FHIT: variants seen among roughly 807,000 people sequenced by gnomAD.
FHIT encodes bis(5'-adenosyl)-triphosphatase.
Under a neutral mutation model 17.9 loss-of-function variants are expected in FHIT, and 19 were observed. The observed-to-expected ratio is 1.06, with a 90% CI of 0.74 to 1.56. FHIT has a LOEUF of 1.56. Among genes scored for constraint, FHIT ranks in the 40% most tolerant of loss-of-function variants. The probability of loss-of-function intolerance (pLI) is 0.00; values close to 1 mark genes in which losing one functional copy is unlikely to be tolerated. For missense variants in FHIT, 248 were observed against 189.2 expected (o/e 1.31, Z -1.82); for synonymous variants, 81 against 69.7 (o/e 1.16, Z -0.81).
intron 4 of FHIT, among the ~76,000 whole-genome samples, chr3:60,546,792 A>G (rs1278003777): frequency 1.3e-5 from 2 of 152,168 alleles, no homozygotes; most frequent in Admixed American, 1.3e-4. Context: ...ATCTCATTTG[A>G]AAATAGTAGA....
intron 3 of FHIT, among the ~76,000 whole-genome samples, chr3:61,040,488 A>T (rs2033455137): frequency 6.6e-6 from 1 of 152,220 alleles, no homozygotes; most frequent in South Asian, 2.1e-4. Flanking sequence ...TATAAGCTAG[A>T]CTATCTAATT....
intron 5 of FHIT, among the ~76,000 whole-genome samples, chr3:60,204,453 T>TTG (rs1553711705): frequency 6.4e-4 from 90 of 141,226 alleles, no homozygotes; most frequent in East Asian, 3.5e-3. Context: ...GGTTTTTTTT[T>TTG]TTTTGTTTTG....
At chr3:60,477,498 G>C (rs1021855939) in intron 5 of FHIT, among the ~76,000 whole-genome samples, 18 of 152,160 alleles carry the variant, frequency 1.2e-4, no homozygotes, top group African/African-American at 4.3e-4. Flanking sequence ...TCTCTTGCCA[G>C]GCATCACACT....
intron 4 of FHIT, among the ~76,000 whole-genome samples, chr3:60,594,951 T>A (rs1312521034): frequency 3.3e-5 from 5 of 152,074 alleles, no homozygotes; most frequent in African/African-American, 1.2e-4. Flanking sequence ...CTTTCCTCAT[T>A]ATTTCTATTC....
At chr3:59,994,214 C>T (rs1337637367) in intron 7 of FHIT, among the ~76,000 whole-genome samples, 1 of 152,068 alleles carries the variant, frequency 6.6e-6, no homozygotes, top group African/African-American at 2.4e-5. Flanking sequence ...ACACAAAAAT[C>T]TTCACAAACT....
intron 5 of FHIT, among the ~76,000 whole-genome samples, chr3:60,046,049 C>T (rs1263955030): frequency 6.6e-6 from 1 of 152,164 alleles, no homozygotes; most frequent in Non-Finnish European, 1.5e-5. Flanking sequence ...GCTGTGTTTC[C>T]AGAAGTATGA....
chr3:59,856,246 C>A lies in FHIT; in HGVS notation c.348+66100G>T, dbSNP rs538027177. Among the ~76,000 whole-genome samples, 39 of 151,990 alleles carry A rather than the reference C, an allele frequency of 2.6e-4. 1 individual carries two copies. The highest frequency in any genetic ancestry group is 5.6e-4 in the Non-Finnish European group (38 of 67,992). ...TAAATGCCTAAAAATTTATAACTAA[C>A]CATAATGGACCCAAGAAATAACAAA... On this transcript the variant is annotated intron_variant, in intron 8 of 9. Transcript: ENST00000492590.
At chr3:60,099,410 T>G (rs1042423480) in intron 5 of FHIT, among the ~76,000 whole-genome samples, 6 of 152,146 alleles carry the variant, frequency 3.9e-5, no homozygotes, top group Non-Finnish European at 5.9e-5. Context: ...TAATCCTCAT[T>G]TCATAGATGA....
intron 8 of FHIT, among the ~76,000 whole-genome samples, chr3:59,793,413 G>A (rs566409442): frequency 4.6e-5 from 7 of 152,202 alleles, no homozygotes; most frequent in East Asian, 3.9e-4. Flanking sequence ...CACTGTGTTC[G>A]TGATGAAGGC....
chr3:60,741,408 G>C (rs1160047664), intron 4 of FHIT, among the ~76,000 whole-genome samples: 4 of 152,330 alleles, frequency 2.6e-5, no homozygotes, highest in Middle Eastern at 3.4e-3. Flanking sequence ...TCTTCAGCAA[G>C]TGGTCTGGCA....
At chr3:61,053,185 A>T (rs1456517456) in intron 2 of FHIT, among the ~76,000 whole-genome samples, 6 of 152,182 alleles carry the variant, frequency 3.9e-5, no homozygotes, top group Admixed American at 1.3e-4. Context: ...TAAAAAATGT[A>T]CTTAAGAGAT....
chr3:60,445,067 C>T (rs984391050), intron 5 of FHIT, among the ~76,000 whole-genome samples: 3 of 152,012 alleles, frequency 2.0e-5, no homozygotes, highest in African/African-American at 7.2e-5. Flanking sequence ...TTACCTGAGC[C>T]CTACCTGGTA....
chr3:60,579,694 A>G (rs1479747301), intron 4 of FHIT, among the ~76,000 whole-genome samples: 1 of 152,154 alleles, frequency 6.6e-6, no homozygotes, highest in Admixed American at 6.6e-5. Context: ...ACAGTTTGAG[A>G]TAAATTTGAG....
intron 5 of FHIT, among the ~76,000 whole-genome samples, chr3:60,416,648 AT>A (rs1702257753): frequency 6.6e-6 from 1 of 152,142 alleles, no homozygotes; most frequent in Non-Finnish European, 1.5e-5. Flanking sequence ...ATGTAAAAAC[AT>A]TTCTTAGCTT....
intron 5 of FHIT, among the ~76,000 whole-genome samples, chr3:60,041,954 T>A (rs1211494375): frequency 6.6e-6 from 1 of 152,254 alleles, no homozygotes; most frequent in Non-Finnish European, 1.5e-5. Context: ...TTTAGCTTTT[T>A]GGAAAAATCC....
intron 7 of FHIT, among the ~76,000 whole-genome samples, chr3:59,927,576 A>G (rs1399593094): frequency 6.6e-6 from 1 of 151,852 alleles, no homozygotes; most frequent in African/African-American, 2.4e-5. Context: ...GACCAGTCTG[A>G]CCAACATTGT....
At chr3:59,865,595 A>G (rs1404718803) in intron 8 of FHIT, among the ~76,000 whole-genome samples, 1 of 152,254 alleles carries the variant, frequency 6.6e-6, no homozygotes, top group African/African-American at 2.4e-5. Context: ...TCTGCAGGAC[A>G]TAAAAGGGAA....
chr3:60,949,260 C>T (rs1708773098), intron 3 of FHIT, among the ~76,000 whole-genome samples: 1 of 152,126 alleles, frequency 6.6e-6, no homozygotes, highest in South Asian at 2.1e-4. Context: ...ACAGCATTTC[C>T]CCTTTTACTC....
chr3:60,495,220 T>C (rs918245985), intron 5 of FHIT, among the ~76,000 whole-genome samples: 2 of 151,720 alleles, frequency 1.3e-5, no homozygotes, highest in Non-Finnish European at 2.9e-5. Context: ...TCTTTGATGA[T>C]GAAGGATGTT....
Sources: allele counts gnomAD v4.1 joint callset (sites outside exome capture counted in the v4.1 genomes callset), GRCh38; gene constraint gnomAD v4.1.1; transcripts MANE v1.5; gene names NCBI Gene and HGNC (gene_info 2026-07-23, HGNC 2026-07-21).